Variants in PDE11A observed in about 807,000 individuals in gnomAD.
The protein encoded by PDE11A is phosphodiesterase 11A, also known as dual 3',5'-cyclic-AMP and -GMP phosphodiesterase 11A.
A neutral mutation model predicts 100.5 loss-of-function variants in PDE11A; 100 were observed. The ratio of observed to expected loss-of-function variants is 1.00; its 90% CI spans 0.85 to 1.18. The LOEUF (loss-of-function observed/expected upper bound fraction) is 1.18. Among genes scored for constraint, PDE11A ranks in the 50% most tolerant of loss-of-function variants. The pLI is 0.00. For synonymous variants in PDE11A, 381 were observed against 420.8 expected (o/e 0.91, Z 1.16); for missense variants, 1,141 against 1,152.6 (o/e 0.99, Z 0.15).
chr2:177,860,912 A>G (rs1003438767), intron 5 of PDE11A, among the ~76,000 whole-genome samples: 8 of 151,864 alleles, frequency 5.3e-5, no homozygotes, highest in African/African-American at 1.4e-4. Flanking sequence ...CAAACATTCA[A>G]CAAACTAGAA....
In PDE11A at chr2:177,953,515, A is replaced by G. The variant is rs955988961; in HGVS notation, c.1072-48328T>C. On this transcript the variant is annotated intron_variant, in intron 2 of 19. Transcript: ENST00000286063. Reference sequence around the variant, plus strand: ...TTACATTATATCTTTCTGAAAATTTATTTTCTCCAGACTGAGAAAGCATTA... The same window carrying G: ...TTACATTATATCTTTCTGAAAATTTGTTTTCTCCAGACTGAGAAAGCATTA... Among the ~76,000 whole-genome samples the G allele has an allele frequency of 6.6e-5, 10 of 152,282 alleles. No homozygotes were observed. In the East Asian group the frequency reaches 1.7e-3, roughly 26 times the overall value.
At chr2:177,991,908 A>C (rs1036217451) in intron 2 of PDE11A, among the ~76,000 whole-genome samples, 1 of 151,118 alleles carries the variant, frequency 6.6e-6, no homozygotes, top group Non-Finnish European at 1.5e-5. Context: ...ACAATCTCCT[A>C]TTCTCAGCTC....
chr2:177,944,444 G>A (rs1303828884), intron 2 of PDE11A, among the ~76,000 whole-genome samples: 1 of 152,190 alleles, frequency 6.6e-6, no homozygotes, highest in Non-Finnish European at 1.5e-5. Context: ...CTCTAACTGA[G>A]TTATATAACA....
intron 9 of PDE11A, among the ~76,000 whole-genome samples, chr2:177,794,569 A>G (rs1054142475): frequency 1.3e-5 from 2 of 152,130 alleles, no homozygotes; most frequent in Non-Finnish European, 2.9e-5. Context: ...TTTCAAAGAG[A>G]TAAAGGCAGC....
intron 15 of PDE11A, among the ~76,000 whole-genome samples, chr2:177,693,466 T>C (rs180748516): frequency 6.6e-6 from 1 of 152,256 alleles, no homozygotes; most frequent in Non-Finnish European, 1.5e-5. Context: ...GTGTCCTTCC[T>C]TTCACTGGCT....
At chr2:177,986,342 C>G (rs936120683) in intron 2 of PDE11A, among the ~76,000 whole-genome samples, 7 of 152,204 alleles carry the variant, frequency 4.6e-5, no homozygotes, top group Non-Finnish European at 7.3e-5. Flanking sequence ...AGAAGCATCT[C>G]TAGCAGCAGG....
chr2:177,691,692 A>G (rs1313373600), intron 15 of PDE11A, among the ~76,000 whole-genome samples: 2 of 152,158 alleles, frequency 1.3e-5, no homozygotes, highest in East Asian at 1.9e-4. Context: ...ATGAGAAAAG[A>G]AAAAACAGCT....
At chr2:177,849,541 AACAG>A (rs1389149498) in intron 5 of PDE11A, among the ~76,000 whole-genome samples, 8 of 152,174 alleles carry the variant, frequency 5.3e-5, no homozygotes, top group Non-Finnish European at 8.8e-5. Context: ...ATACACCAAT[AACAG>A]ACAAACAGAG....
At chr2:177,850,837 T>G (rs529903944) in intron 5 of PDE11A, among the ~76,000 whole-genome samples, 42 of 152,198 alleles carry the variant, frequency 2.8e-4, no homozygotes, top group African/African-American at 9.9e-4. Context: ...CACAATGAGA[T>G]ACCATCTCAC....
chr2:177,709,437 G>A (rs1423874718), intron 13 of PDE11A, among the ~76,000 whole-genome samples: 2 of 152,126 alleles, frequency 1.3e-5, no homozygotes, highest in African/African-American at 4.8e-5. Flanking sequence ...TTTTGGTGGG[G>A]CCATTCCTTG....
At chr2:177,714,575 T>C (rs2081408211) in intron 12 of PDE11A, among the ~76,000 whole-genome samples, 1 of 152,194 alleles carries the variant, frequency 6.6e-6, no homozygotes, top group Non-Finnish European at 1.5e-5. Context: ...GAATCTGCCC[T>C]TGAACACTGG....
Position 178,006,823 on chromosome 2 carries a change from AG to A in PDE11A, c.1071+7478del, listed in dbSNP as rs3067362. On this transcript the variant is annotated intron_variant, in intron 2 of 19. Coordinates refer to ENST00000286063, the MANE Select transcript of PDE11A (RefSeq NM_016953.4). ...ACTTAATTCCATTTCTGTCAAAACA[AG>A]GGGGGGGGGGGAAGCCAATGCATTC... Among the ~76,000 whole-genome samples, 877 of 149,986 alleles carry A rather than the reference AG, an allele frequency of 5.8e-3. 4 individuals carry two copies. The highest frequency in any genetic ancestry group is 0.011 in the African/African-American group (445 of 40,224).
intron 1 of PDE11A, among the ~76,000 whole-genome samples, chr2:178,048,071 C>T (rs941524831): frequency 3.3e-5 from 5 of 152,154 alleles, no homozygotes; most frequent in Non-Finnish European, 5.9e-5. Flanking sequence ...GAAATGGTTA[C>T]AGACAGAAGT....
At chr2:177,785,755 G>T (rs1362338132) in intron 9 of PDE11A, among the ~76,000 whole-genome samples, 1 of 152,194 alleles carries the variant, frequency 6.6e-6, no homozygotes, top group African/African-American at 2.4e-5. Context: ...GGCTCGGAGG[G>T]TCCTATGCCC....
intron 4 of PDE11A, among the ~76,000 whole-genome samples, chr2:177,879,223 A>G (rs1364721552): frequency 6.6e-6 from 1 of 152,218 alleles, no homozygotes. Context: ...GAAAAGCTCA[A>G]TGGTTACAAT....
chr2:177,853,680 A>ATATATGTGTGTGTGTGTGTG (rs2083766252), intron 5 of PDE11A, among the ~76,000 whole-genome samples: 2 of 36,502 alleles, frequency 5.5e-5, no homozygotes, highest in Non-Finnish European at 1.0e-4. Context: ...ATATATATAT[A>ATATATGTGTGTGTGTGTGTG]TGTGTGTGTG....
At chr2:178,102,763 T>C (rs1369776170) in intron 2 of PDE11A, among the ~76,000 whole-genome samples, 1 of 152,152 alleles carries the variant, frequency 6.6e-6, no homozygotes, top group Non-Finnish European at 1.5e-5. Flanking sequence ...AGTCCTTTAT[T>C]ATGAGTCTCC....
chr2:177,886,863 G>A (rs950519974), intron 4 of PDE11A, among the ~76,000 whole-genome samples: 5 of 152,134 alleles, frequency 3.3e-5, no homozygotes, highest in African/African-American at 1.2e-4. Context: ...AGAAGAAAAG[G>A]AGAGGGAAAG....
intron 12 of PDE11A, among the ~76,000 whole-genome samples, chr2:177,727,030 G>A (rs893590457): frequency 6.6e-6 from 1 of 152,004 alleles, no homozygotes; most frequent in African/African-American, 2.4e-5. Flanking sequence ...TTCAATATTT[G>A]CCACAAACAT....
Sources: allele counts gnomAD v4.1 joint callset (sites outside exome capture counted in the v4.1 genomes callset), GRCh38; gene constraint gnomAD v4.1.1; transcripts MANE v1.5; gene names NCBI Gene and HGNC (gene_info 2026-07-23, HGNC 2026-07-21).